EXTL3: variants seen among roughly 807,000 people sequenced by gnomAD.
The protein encoded by EXTL3 is exostosin like glycosyltransferase 3, also known as exostosin-like 3.
A neutral mutation model predicts 69.3 loss-of-function variants in EXTL3; 27 were observed. That is an observed-to-expected ratio of 0.39 (90% CI 0.29 to 0.54). EXTL3 has a LOEUF of 0.54. Among genes scored for constraint, EXTL3 ranks in the 20% least tolerant of loss-of-function variants. The pLI is 0.69. For synonymous variants in EXTL3, 511 were observed against 499.4 expected, an observed-to-expected ratio of 1.02 and a Z score of -0.31; for missense variants, 1,003 against 1,231.8, an observed-to-expected ratio of 0.81 and a Z score of 2.78.
chr8:28,614,336 C>T (rs1192078317), intron 2 of EXTL3, among the ~76,000 whole-genome samples: 1 of 140,460 alleles, frequency 7.1e-6, no homozygotes, highest in Non-Finnish European at 1.5e-5. Context: ...TGCAGTGGCA[C>T]AATCTCAACT....
chr8:28,676,850 C>A (rs1179206478), intron 1 of EXTL3, among the ~76,000 whole-genome samples: 1 of 152,142 alleles, frequency 6.6e-6, no homozygotes, highest in Non-Finnish European at 1.5e-5. Flanking sequence ...GAAACAGATT[C>A]TTGGACCCCA....
chr8:28,738,118 T>A (rs1420514558), intron 5 of EXTL3, among the ~76,000 whole-genome samples: 1 of 152,226 alleles, frequency 6.6e-6, no homozygotes, highest in Non-Finnish European at 1.5e-5. Flanking sequence ...CTTTAGTGCT[T>A]ATTACTTTCA....
intron 1 of EXTL3, among the ~76,000 whole-genome samples, chr8:28,651,884 C>A (rs565379450): frequency 1.6e-4 from 25 of 152,276 alleles, no homozygotes; most frequent in African/African-American, 6.0e-4. Flanking sequence ...TCTGTATCTA[C>A]GAATTTGCGT....
intron 1 of EXTL3, chr8:28,685,859 T>C (rs759960743): frequency 4.6e-5 from 7 of 151,528 alleles, no homozygotes; most frequent in Non-Finnish European, 8.8e-5. Flanking sequence ...TTTTTATTTA[T>C]TTTTTATTTT....
At chr8:28,612,454 T>A (rs1460259789) in intron 2 of EXTL3, among the ~76,000 whole-genome samples, 1 of 140,264 alleles carries the variant, frequency 7.1e-6, no homozygotes, top group Admixed American at 7.5e-5. Flanking sequence ...GGAGCGAGAC[T>A]CCATCTCTTA....
At chr8:28,744,213 G>T (rs575992202) in intron 6 of EXTL3, 1 of 152,306 alleles carries the variant, frequency 6.6e-6, no homozygotes, top group South Asian at 2.1e-4. Context: ...CATAATTGAA[G>T]AAAATGCTAA....
chr8:28,746,113 AT>A (rs1232575439), intron 6 of EXTL3, among the ~76,000 whole-genome samples: 1 of 152,244 alleles, frequency 6.6e-6, no homozygotes, highest in African/African-American at 2.4e-5. Context: ...AAAAATAGTA[AT>A]TTTTTTGTTG....
rs1260077898 is a variant in EXTL3 at position 28,702,106 on chromosome 8, G to A, written c.-570+447G>A. On this transcript the variant is annotated intron_variant, in intron 1 of 6. Transcript: ENST00000220562. ...CTGGCCCGGAGCATCTTCTGTCGGCGGAGGCGCAGCTCCGGACTACCCCCA... is the reference window on the plus strand; with the variant it reads ...CTGGCCCGGAGCATCTTCTGTCGGCAGAGGCGCAGCTCCGGACTACCCCCA... 3.3e-5 allele frequency among the ~76,000 whole-genome samples: 5 copies of A among 152,350 alleles called. No homozygotes were observed. In the East Asian group the frequency reaches 9.7e-4, roughly 29 times the overall value.
chr8:28,687,624 G>A (rs1194666718), intron 1 of EXTL3, among the ~76,000 whole-genome samples: 10 of 152,204 alleles, frequency 6.6e-5, no homozygotes, highest in Non-Finnish European at 1.3e-4. Flanking sequence ...GAGCTCAGAA[G>A]GAAGGTCTGG....
At chr8:28,640,170 A>G (rs767720239) in intron 1 of EXTL3, among the ~76,000 whole-genome samples, 2 of 151,814 alleles carry the variant, frequency 1.3e-5, no homozygotes, top group Non-Finnish European at 3.0e-5. Context: ...TATTTGCTTT[A>G]TTTTGTGAAA....
chr8:28,668,771 G>T (rs1394422204), intron 1 of EXTL3, among the ~76,000 whole-genome samples: 1 of 151,394 alleles, frequency 6.6e-6, no homozygotes, highest in African/African-American at 2.4e-5. Flanking sequence ...TCATATCATG[G>T]CTAGTGTACA....
At chr8:28,672,094 T>C (rs1191436632) in intron 1 of EXTL3, among the ~76,000 whole-genome samples, 1 of 152,104 alleles carries the variant, frequency 6.6e-6, no homozygotes, top group African/African-American at 2.4e-5. Flanking sequence ...AAGTGTGTAA[T>C]TGTGATAACT....
chr8:28,751,973 C>T lies in EXTL3; in HGVS notation c.*1107C>T, dbSNP rs1378057425. The T allele has an allele frequency of 2.0e-5, 3 of 152,568 alleles. No individual in the cohort carries two copies. In the East Asian group the frequency reaches 5.8e-4, roughly 29 times the overall value. The allele number at this position is 152,568 out of a possible 1,614,324, so 9.5% of individuals were successfully genotyped here. A position where few individuals can be genotyped will look rare whatever the true frequency, so the allele number is the denominator to read the frequency against. ...GGAAGTTTTACAGCAAGGCGCCTGC[C>T]TTGGGATAATTCCTTGGTGAAATTC... On this transcript the variant is annotated 3_prime_UTR_variant, in exon 7 of 7. Transcript: ENST00000220562.
chr8:28,624,915 A>C (rs75409889), intron 1 of EXTL3, among the ~76,000 whole-genome samples: 6,406 of 152,348 alleles, frequency 0.042, 209 homozygotes, highest in Middle Eastern at 0.088. Flanking sequence ...AACTAAAAAA[A>C]TAAGCAGATC....
chr8:28,723,552 C>T (rs1307253560), intron 3 of EXTL3, among the ~76,000 whole-genome samples: 1 of 151,512 alleles, frequency 6.6e-6, no homozygotes. Context: ...TTTACTAATT[C>T]AAAGTAAGGA....
At chr8:28,712,776 G>T (rs1266249831) in intron 1 of EXTL3, among the ~76,000 whole-genome samples, 1 of 152,126 alleles carries the variant, frequency 6.6e-6, no homozygotes, top group Non-Finnish European at 1.5e-5. Flanking sequence ...TTGAATTATT[G>T]GTTTCTGTGA....
intron 1 of EXTL3, among the ~76,000 whole-genome samples, chr8:28,652,660 A>T (rs1174471742): frequency 6.7e-6 from 1 of 150,054 alleles, no homozygotes; most frequent in East Asian, 2.0e-4. Context: ...TCTCAAAAAA[A>T]ATATATAGAT....
chr8:28,748,555 T>A (rs1238738040), intron 6 of EXTL3, among the ~76,000 whole-genome samples: 1 of 152,114 alleles, frequency 6.6e-6, no homozygotes, highest in African/African-American at 2.4e-5. Context: ...GCAAGCGTGG[T>A]GGCATCACTG....
rs75456138 is a variant in EXTL3, at chr8:28,672,701, C to T, written c.-52-40756C>T. Among the ~76,000 whole-genome samples the T allele has an allele frequency of 1.5e-4, 23 of 152,270 alleles. No individual in the cohort carries two copies. In the East Asian group the frequency reaches 3.9e-3, roughly 26 times the overall value. On this transcript the variant is annotated intron_variant, in intron 1 of 6. Coordinates refer to the EXTL3 transcript ENST00000523149. Reference sequence around the variant, plus strand: ...CACCCAGGTGACTCTGATGCATGCCCATGTTTCAGAATCACGGACTGAGTA... The same window carrying T: ...CACCCAGGTGACTCTGATGCATGCCTATGTTTCAGAATCACGGACTGAGTA...
Sources: allele counts gnomAD v4.1 joint callset (sites outside exome capture counted in the v4.1 genomes callset), GRCh38; gene constraint gnomAD v4.1.1; transcripts MANE v1.5; gene names NCBI Gene and HGNC (gene_info 2026-07-23, HGNC 2026-07-21).